The following HDAC9 variants were observed in gnomAD, a reference collection of about 807,000 sequenced individuals.
HDAC9 encodes the protein histone deacetylase 9.
In HDAC9, 41 loss-of-function variants were observed where a neutral mutation model predicts 139.4. The observed-to-expected ratio is 0.29, with a 90% CI of 0.23 to 0.38. The LOEUF (loss-of-function observed/expected upper bound fraction) is 0.38. Among genes scored for constraint, HDAC9 ranks in the 10% least tolerant of loss-of-function variants. The pLI is 1.00. For synonymous variants in HDAC9, 517 were observed against 476.2 expected, an observed-to-expected ratio of 1.09 and a Z score of -1.12; for missense variants, 1,147 against 1,297.0, an observed-to-expected ratio of 0.88 and a Z score of 1.78.
chr7:18,465,346 CT>C (rs1794180734), intron 1 of HDAC9, among the ~76,000 whole-genome samples: 1 of 151,860 alleles, frequency 6.6e-6, no homozygotes, highest in Admixed American at 6.6e-5. Flanking sequence ...GATTTCCCTC[CT>C]GTTTATTTTG....
chr7:18,412,601 A>C (rs1788674101), intron 1 of HDAC9, among the ~76,000 whole-genome samples: 1 of 152,196 alleles, frequency 6.6e-6, no homozygotes, highest in African/African-American at 2.4e-5. Flanking sequence ...GTGTGAAGTA[A>C]CTTGCTGGCC....
intron 2 of HDAC9, among the ~76,000 whole-genome samples, chr7:18,245,912 A>G (rs1308899711): frequency 2.0e-5 from 3 of 151,904 alleles, no homozygotes; most frequent in Admixed American, 2.0e-4. Context: ...TCCAGAAGTT[A>G]GTTACCATGA....
chr7:18,984,021 C>A (rs965255039), intron 25 of HDAC9, among the ~76,000 whole-genome samples: 1 of 152,028 alleles, frequency 6.6e-6, no homozygotes, highest in Admixed American at 6.6e-5. Context: ...GACCACTAAC[C>A]CCCAAATTAG....
chr7:18,622,467 G>C (rs1374953601), intron 6 of HDAC9, among the ~76,000 whole-genome samples: 1 of 151,916 alleles, frequency 6.6e-6, no homozygotes, highest in East Asian at 1.9e-4. Flanking sequence ...GGATTACAGG[G>C]ACGTGCCACC....
chr7:18,754,735 T>C (rs1254313263), intron 14 of HDAC9, among the ~76,000 whole-genome samples: 1 of 152,150 alleles, frequency 6.6e-6, no homozygotes, highest in Non-Finnish European at 1.5e-5. Flanking sequence ...TTCTCGGCAG[T>C]TCCAATGAGA....
intron 24 of HDAC9, among the ~76,000 whole-genome samples, chr7:18,974,508 A>C (rs999262629): frequency 3.9e-5 from 6 of 152,200 alleles, no homozygotes; most frequent in Non-Finnish European, 8.8e-5. Flanking sequence ...TAGCTTCTAC[A>C]AAATGTTAGT....
At chr7:18,618,602 A>G (rs985315128) in intron 6 of HDAC9, among the ~76,000 whole-genome samples, 2 of 151,858 alleles carry the variant, frequency 1.3e-5, no homozygotes, top group African/African-American at 4.8e-5. Context: ...GTCAGTTCAC[A>G]TGTAGCTCTT....
Position 18,591,653 on chromosome 7 carries a change from T to G in HDAC9, c.542+11T>G, listed in dbSNP as rs769140466. On this transcript the variant is annotated intron_variant, in intron 5 of 25. Transcript: ENST00000686413. The stretch of plus-strand genomic sequence containing the variant: ...CAAGCTCTGGTACACGTATGTTCAG[T>G]GTTTGGCTGTTTTCATTCCTGGGGT... 6.2e-7 allele frequency: 1 copy of G among 1,611,932 alleles called. No individual in the cohort carries two copies. The highest frequency in any genetic ancestry group is 8.5e-7 in the Non-Finnish European group (1 of 1,178,754).
intron 6 of HDAC9, among the ~76,000 whole-genome samples, chr7:18,603,221 T>C (rs1447984983): frequency 1.3e-5 from 2 of 152,130 alleles, no homozygotes; most frequent in Admixed American, 1.3e-4. Context: ...TTAGGTAATA[T>C]GTAGTTAGAA....
intron 14 of HDAC9, among the ~76,000 whole-genome samples, chr7:18,754,056 T>C (rs1788677494): frequency 6.6e-6 from 1 of 152,110 alleles, no homozygotes; most frequent in Admixed American, 6.6e-5. Flanking sequence ...TAGTCCTCAT[T>C]ATATTAGATT....
chr7:18,337,170 G>A (rs1199944695), intron 1 of HDAC9, among the ~76,000 whole-genome samples: 1 of 151,454 alleles, frequency 6.6e-6, no homozygotes, highest in African/African-American at 2.4e-5. Context: ...TTTAAAAGAG[G>A]AACAGCAAAT....
rs374092768 is a variant in HDAC9, at chr7:18,629,397, G to A, written c.712G>A (p.Ala238Thr). ...GCGGTCCAGGTTAAAACAGAAAGTG[G>A]CAGAGAGGAGAAGCAGCCCCTTACT... Reference protein sequence around the residue: ...KVRSRLKQKVAERRSSPLLRR... With the variant: ...KVRSRLKQKVTERRSSPLLRR... The change falls in exon 7 of 26, where the codon GCA becomes ACA. Residue 238 changes from alanine to threonine, a missense_variant. Physicochemically the swap from Ala to Thr is moderately conservative, Grantham distance 58. Around this residue, in one of 7 missense-constraint regions of HDAC9, gnomAD observed 264 missense variants for 273.8 expected, o/e 0.96. Coordinates refer to ENST00000686413, the MANE Select transcript of HDAC9 (RefSeq NM_178425.4). 11 of 1,611,090 alleles carry A rather than the reference G, an allele frequency of 6.8e-6. No homozygotes were observed. The highest frequency in any genetic ancestry group is 9.3e-6 in the Non-Finnish European group (11 of 1,178,740).
chr7:18,917,452 A>G (rs970421333), intron 22 of HDAC9, among the ~76,000 whole-genome samples: 1 of 147,952 alleles, frequency 6.8e-6, no homozygotes, highest in Non-Finnish European at 1.5e-5. Context: ...GTATATATGA[A>G]AAAAGACAGT....
intron 2 of HDAC9, among the ~76,000 whole-genome samples, chr7:18,557,481 A>T (rs989439861): frequency 1.3e-5 from 2 of 150,632 alleles, no homozygotes; most frequent in African/African-American, 4.9e-5. Flanking sequence ...TATCTGTTTC[A>T]TCTATAATAT....
In HDAC9 at chr7:18,998,707, G is replaced by A. The variant is rs1321934217; in HGVS notation, c.*2645G>A. The stretch of plus-strand genomic sequence containing the variant: ...AAATTTTATTGCTCGCAGTTGTTCT[G>A]AATGAGAGGCTAGAAGAGTATTATC... On this transcript the variant is annotated 3_prime_UTR_variant, in exon 26 of 26. Transcript: ENST00000686413. 1 of 152,160 alleles carries A rather than the reference G, an allele frequency of 6.6e-6. No homozygotes were observed. Among genetic ancestry groups the A allele is most frequent in the African/African-American group, 2.4e-5 (1 of 41,430 alleles). The allele number at this position is 152,160 out of a possible 1,614,324, so 9.4% of individuals were successfully genotyped here.
intron 1 of HDAC9, among the ~76,000 whole-genome samples, chr7:18,407,557 A>AT: frequency 6.7e-6 from 1 of 150,114 alleles, no homozygotes; most frequent in Non-Finnish European, 1.5e-5. Flanking sequence ...AAGATCTTGG[A>AT]TAAAAAAAAA....
chr7:18,342,877 C>G (rs1365195236), intron 1 of HDAC9, among the ~76,000 whole-genome samples: 1 of 151,726 alleles, frequency 6.6e-6, no homozygotes, highest in Non-Finnish European at 1.5e-5. Context: ...TGAAGTGGAT[C>G]TACTGAATGA....
At chr7:18,565,893 G>A (rs1455183767) in intron 2 of HDAC9, among the ~76,000 whole-genome samples, 3 of 151,048 alleles carry the variant, frequency 2.0e-5, no homozygotes, top group African/African-American at 7.3e-5. Context: ...AATTGGCTTA[G>A]TGGTTTCTAA....
intron 24 of HDAC9, among the ~76,000 whole-genome samples, chr7:18,959,461 A>T (rs1440806368): frequency 6.6e-6 from 1 of 152,186 alleles, no homozygotes; most frequent in Non-Finnish European, 1.5e-5. Context: ...TTTGTGGATC[A>T]AGGAAACATA....
Sources: allele counts gnomAD v4.1 joint callset (sites outside exome capture counted in the v4.1 genomes callset), GRCh38; gene constraint gnomAD v4.1.1; regional missense constraint gnomAD v4.1.1; transcripts MANE v1.5; gene names NCBI Gene and HGNC (gene_info 2026-07-23, HGNC 2026-07-21).